CADM1: variants seen among roughly 807,000 people sequenced by gnomAD.
CADM1 encodes TSLC-1.
A neutral mutation model predicts 53.1 loss-of-function variants in CADM1; 15 were observed. The ratio of observed to expected loss-of-function variants is 0.28; its 90% confidence interval spans 0.19 to 0.44. The LOEUF (loss-of-function observed/expected upper bound fraction) is 0.44. Among genes scored for constraint, CADM1 ranks in the 20% least tolerant of loss-of-function variants. The pLI is 1.00. For missense variants in CADM1, 434 were observed against 611.3 expected (o/e 0.71, Z 3.06); for synonymous variants, 281 against 243.0 (o/e 1.16, Z -1.45).
At chr11:115,226,777 T>C (rs1014692423) in intron 5 of CADM1, among the ~76,000 whole-genome samples, 1 of 152,176 alleles carries the variant, frequency 6.6e-6, no homozygotes, top group African/African-American at 2.4e-5. Context: ...ATGAAACTTT[T>C]TGTTACTGCA....
chr11:115,481,127 C>G (rs1949249514), intron 1 of CADM1, among the ~76,000 whole-genome samples: 1 of 152,134 alleles, frequency 6.6e-6, no homozygotes, highest in African/African-American at 2.4e-5. Flanking sequence ...CCCCTTCTCC[C>G]TCACCCTACC....
intron 1 of CADM1, among the ~76,000 whole-genome samples, chr11:115,354,173 T>G (rs1591739454): frequency 6.6e-6 from 1 of 152,198 alleles, no homozygotes; most frequent in Non-Finnish European, 1.5e-5. Flanking sequence ...GAAGGTGAAC[T>G]GATTAAAAGA....
intron 1 of CADM1, among the ~76,000 whole-genome samples, chr11:115,454,070 CA>C (rs1040403444): frequency 5.2e-4 from 74 of 142,712 alleles, no homozygotes; most frequent in African/African-American, 1.5e-3. Context: ...TAAAACAAAA[CA>C]AAAAAAAAAC....
intron 1 of CADM1, among the ~76,000 whole-genome samples, chr11:115,309,223 A>C (rs1047630509): frequency 1.3e-5 from 2 of 152,144 alleles, no homozygotes; most frequent in Non-Finnish European, 2.9e-5. Context: ...ATTTAAATAA[A>C]ATGTTCTTAA....
intron 1 of CADM1, among the ~76,000 whole-genome samples, chr11:115,305,893 T>G (rs1483089012): frequency 8.2e-5 from 8 of 97,412 alleles, no homozygotes; most frequent in Admixed American, 1.4e-4. Flanking sequence ...AGAGCGAGAC[T>G]CCATCTCAAA....
chr11:115,179,412 T>TTA lies in CADM1; in HGVS notation c.1166-638_1166-637insTA, dbSNP rs1197458382. Among the ~76,000 whole-genome samples, 4 of 54,432 alleles carry TTA rather than the reference T, an allele frequency of 7.3e-5. No individual in the cohort carries two copies. In the East Asian group the frequency reaches 1.2e-3, roughly 16 times the overall value. 35.7% of individuals were successfully genotyped at this position (54,432 alleles called of 152,430 possible). ...AATAATTGTCCATTGCCACCAACGG[T>TTA]TTTTATTTTATTTATTTAACACCTT... On this transcript the variant is annotated intron_variant, in intron 10 of 11. Transcript: ENST00000331581.
chr11:115,177,869 T>C (rs927657268), intron 11 of CADM1, among the ~76,000 whole-genome samples: 3 of 151,978 alleles, frequency 2.0e-5, no homozygotes, highest in African/African-American at 4.8e-5. Context: ...AAACCCAAGT[T>C]CAACAGTCAA....
intron 10 of CADM1, among the ~76,000 whole-genome samples, chr11:115,184,282 T>A (rs1464846613): frequency 6.6e-6 from 1 of 152,152 alleles, no homozygotes; most frequent in East Asian, 1.9e-4. Context: ...GTAGCTCCCG[T>A]CCATGGCAAC....
intron 1 of CADM1, among the ~76,000 whole-genome samples, chr11:115,386,327 T>C (rs1055381116): frequency 7.2e-5 from 11 of 152,266 alleles, no homozygotes; most frequent in Admixed American, 2.0e-4. Context: ...CTGGAATATA[T>C]GTCAGCCTTT....
intron 1 of CADM1, among the ~76,000 whole-genome samples, chr11:115,440,385 A>G (rs1405400247): frequency 2.6e-5 from 4 of 152,220 alleles, no homozygotes; most frequent in Admixed American, 6.5e-5. Flanking sequence ...TTATTTCCCA[A>G]TCTCCAGCAT....
At chr11:115,415,959 T>C (rs185593368) in intron 1 of CADM1, among the ~76,000 whole-genome samples, 1 of 152,122 alleles carries the variant, frequency 6.6e-6, no homozygotes, top group East Asian at 1.9e-4. Context: ...TCTGCCTCAC[T>C]GTAGTTGGTG....
chr11:115,284,689 A>G (rs953477912), intron 1 of CADM1, among the ~76,000 whole-genome samples: 2 of 152,174 alleles, frequency 1.3e-5, no homozygotes, highest in Non-Finnish European at 2.9e-5. Flanking sequence ...ATTTTTTTTA[A>G]AAAAGAAAGA....
chr11:115,465,050 G>C (rs1179660996), intron 1 of CADM1, among the ~76,000 whole-genome samples: 1 of 152,118 alleles, frequency 6.6e-6, no homozygotes, highest in Non-Finnish European at 1.5e-5. Context: ...TGGGCATCTA[G>C]GCAAATCTGA....
intron 1 of CADM1, among the ~76,000 whole-genome samples, chr11:115,476,599 T>G (rs1949137212): frequency 6.6e-6 from 1 of 152,146 alleles, no homozygotes; most frequent in Admixed American, 6.5e-5. Flanking sequence ...AATTAAACAT[T>G]CTGTAGGGCA....
Position 115,383,428 on chromosome 11 carries a change from A to G in CADM1, c.124+120843T>C, listed in dbSNP as rs570412326. Among the ~76,000 whole-genome samples the G allele has an allele frequency of 2.0e-5, 3 of 152,386 alleles. No individual in the cohort carries two copies. In the South Asian group the frequency reaches 6.2e-4, roughly 32 times the overall value. On this transcript the variant is annotated intron_variant, in intron 1 of 11. Transcript: ENST00000331581. ...GACCATACAAGGTAAGAGCATGTTA[A>G]TGGCTAATTAGGATCCTGTATTAGC... is the stretch of plus-strand genomic sequence containing the variant.
chr11:115,421,176 C>A (rs183211517), intron 1 of CADM1, among the ~76,000 whole-genome samples: 1 of 152,262 alleles, frequency 6.6e-6, no homozygotes, highest in Admixed American at 6.5e-5. Context: ...GACCAGAATG[C>A]GCCCTGGCAA....
At chr11:115,232,664 AATG>A (rs1199508525) in intron 3 of CADM1, among the ~76,000 whole-genome samples, 1 of 152,084 alleles carries the variant, frequency 6.6e-6, no homozygotes, top group Non-Finnish European at 1.5e-5. Flanking sequence ...TGATGGTGAC[AATG>A]ATGATGATGA....
intron 1 of CADM1, among the ~76,000 whole-genome samples, chr11:115,329,515 G>A (rs1396427956): frequency 6.6e-6 from 1 of 152,116 alleles, no homozygotes; most frequent in African/African-American, 2.4e-5. Context: ...CTTATGGGAG[G>A]GGGAGCACAC....
intron 9 of CADM1, among the ~76,000 whole-genome samples, chr11:115,196,709 A>G (rs1940175951): frequency 6.6e-6 from 1 of 151,800 alleles, no homozygotes; most frequent in Non-Finnish European, 1.5e-5. Flanking sequence ...GGTAGCCCAT[A>G]GGCTATGGGT....
Sources: gnomAD v4.1 joint callset for allele counts (sites outside exome capture counted in the v4.1 genomes callset) on GRCh38, gnomAD v4.1.1 for gene constraint, MANE v1.5 for transcripts, NCBI Gene and HGNC (gene_info 2026-07-23, HGNC 2026-07-21) for gene names.